The following BRK1 variants were observed in gnomAD, a reference collection of about 807,000 sequenced individuals.
BRK1 encodes protein BRICK1.
Under a neutral mutation model 9.9 loss-of-function variants are expected in BRK1, and 6 were observed. The observed-to-expected ratio is 0.60, with a 90% CI of 0.33 to 1.19. BRK1 has a LOEUF of 1.19. BRK1 is among the 50% of genes most tolerant of loss of function. The pLI is 0.04. For missense variants in BRK1, 62 were observed against 97.5 expected, an observed-to-expected ratio of 0.64 and a Z score of 1.53; for synonymous variants, 44 against 31.9, an observed-to-expected ratio of 1.38 and a Z score of -1.28.
intron 1 of BRK1, among the ~76,000 whole-genome samples, chr3:10,116,828 C>T (rs1253499289): frequency 1.3e-5 from 2 of 152,184 alleles, no homozygotes; most frequent in Admixed American, 1.3e-4. Context: ...GTGGGAGACA[C>T]AGAATAAGAA....
At chr3:10,119,924 A>G (rs1331050385) in intron 1 of BRK1, among the ~76,000 whole-genome samples, 1 of 152,186 alleles carries the variant, frequency 6.6e-6, no homozygotes, top group Non-Finnish European at 1.5e-5. Flanking sequence ...AGATGCTGTG[A>G]GAAAGGAATA....
chr3:10,118,177 G>C (rs778392210), intron 1 of BRK1, among the ~76,000 whole-genome samples: 1 of 151,528 alleles, frequency 6.6e-6, no homozygotes, highest in Non-Finnish European at 1.5e-5. Context: ...TGCTTGAACC[G>C]GGGAGGCAGA....
chr3:10,118,812 G>C (rs528234690), intron 1 of BRK1, among the ~76,000 whole-genome samples: 22 of 152,092 alleles, frequency 1.4e-4, no homozygotes, highest in African/African-American at 5.3e-4. Context: ...TGCGATAAAA[G>C]TTATACAGTA....
In BRK1 at chr3:10,126,852, A is replaced by G. The variant is rs1263486113; in HGVS notation, c.*557A>G. On this transcript the variant is annotated 3_prime_UTR_variant, in exon 3 of 3. Coordinates refer to ENST00000530758, the MANE Select transcript of BRK1 (RefSeq NM_018462.5). ...ACTTGGCTTGAAGGGACATTTTCAG[A>G]CTTTTCTTTCTGTCACTTGGAGTGT... 1 of 152,800 alleles carries G rather than the reference A, an allele frequency of 6.5e-6. No homozygotes were observed. Among genetic ancestry groups the G allele is most frequent in the African/African-American group, 2.4e-5 (1 of 41,412 alleles). The allele number at this position is 152,800 out of a possible 1,614,324, so 9.5% of individuals were successfully genotyped here.
intron 1 of BRK1, among the ~76,000 whole-genome samples, chr3:10,117,529 G>T (rs1695700962): frequency 6.6e-6 from 1 of 151,612 alleles, no homozygotes; most frequent in African/African-American, 2.4e-5. Context: ...GAGTAGCTAG[G>T]ATTACAGGTG....
At chr3:10,126,139 C>T in intron 2 of BRK1, 130 bp from the exon 3 acceptor site, 1 of 628,740 alleles carries the variant, frequency 1.6e-6, no homozygotes. Context: ...GGATTTGAAC[C>T]ATGTTTCTGT....
intron 1 of BRK1, among the ~76,000 whole-genome samples, chr3:10,124,282 G>A (rs192887548): frequency 6.6e-6 from 1 of 150,480 alleles, no homozygotes; most frequent in Non-Finnish European, 1.5e-5. Flanking sequence ...GTGAAACCCC[G>A]TCTCTACTAA....
chr3:10,119,342 A>G (rs543339161), intron 1 of BRK1, among the ~76,000 whole-genome samples: 2 of 152,110 alleles, frequency 1.3e-5, no homozygotes, highest in South Asian at 2.1e-4. Context: ...CTGTAATTCC[A>G]AGCTACCTGG....
At chr3:10,124,860 C>G (rs1695815241) in intron 1 of BRK1, among the ~76,000 whole-genome samples, 2 of 152,158 alleles carry the variant, frequency 1.3e-5, no homozygotes, top group African/African-American at 4.8e-5. Context: ...TCCCTTCTTC[C>G]ACTTTCAAAG....
chr3:10,126,691 C>A lies in BRK1; in HGVS notation c.*396C>A, dbSNP rs190197748. 1.8e-3 allele frequency: 313 copies of A among 170,708 alleles called. 7 individuals are homozygous for A. In the South Asian group the frequency reaches 0.029, roughly 16 times the overall value. The allele number at this position is 170,708 out of a possible 1,614,324, so 10.6% of individuals were successfully genotyped here. On this transcript the variant is annotated 3_prime_UTR_variant, in exon 3 of 3. Transcript: ENST00000530758. ...CACTGCTTCTGTGAACAGTCTTTGT[C>A]TCCTCCCCACCTTTGGTGGGAAGTG...
At chr3:10,121,806 C>T (rs1401889802) in intron 1 of BRK1, among the ~76,000 whole-genome samples, 3 of 150,702 alleles carry the variant, frequency 2.0e-5, no homozygotes, top group Non-Finnish European at 4.4e-5. Context: ...AATCTCGGCT[C>T]ACTGCCTCAG....
intron 1 of BRK1, among the ~76,000 whole-genome samples, chr3:10,119,056 G>C (rs937987441): frequency 6.7e-6 from 1 of 149,450 alleles, no homozygotes; most frequent in Non-Finnish European, 1.5e-5. Flanking sequence ...CTGTTGCCTG[G>C]AGTGCAGTGG....
chr3:10,125,907 A>T (rs534956106), intron 2 of BRK1, among the ~76,000 whole-genome samples, 199 bp downstream of exon 2: 26 of 152,172 alleles, frequency 1.7e-4, no homozygotes, highest in South Asian at 1.0e-3. Context: ...CCTGGCCAAC[A>T]TGGTGAAACC....
At chr3:10,119,459 A>G (rs1464714204) in intron 1 of BRK1, among the ~76,000 whole-genome samples, 47 of 152,174 alleles carry the variant, frequency 3.1e-4, no homozygotes, top group Admixed American at 3.1e-3. Flanking sequence ...CTCTCTCTCA[A>G]AGAAAAAGAA....
chr3:10,119,895 A>G (rs1433332348), intron 1 of BRK1, among the ~76,000 whole-genome samples: 1 of 152,226 alleles, frequency 6.6e-6, no homozygotes, highest in African/African-American at 2.4e-5. Flanking sequence ...CAACAAATGT[A>G]GCATGCCTGG....
intron 1 of BRK1, among the ~76,000 whole-genome samples, chr3:10,119,451 C>G (rs1575905473): frequency 1.3e-5 from 2 of 152,138 alleles, no homozygotes; most frequent in South Asian, 2.1e-4. Flanking sequence ...GAGTGAGACT[C>G]TCTCTCAAAG....
At chr3:10,119,164 A>G (rs556128841) in intron 1 of BRK1, among the ~76,000 whole-genome samples, 9 of 150,858 alleles carry the variant, frequency 6.0e-5, no homozygotes, top group Non-Finnish European at 1.3e-4. Context: ...AAAAAAAAGA[A>G]TTTACTTTGA....
At chr3:10,120,932 T>C (rs2125117729) in intron 1 of BRK1, among the ~76,000 whole-genome samples, 1 of 152,338 alleles carries the variant, frequency 6.6e-6, no homozygotes, top group East Asian at 1.9e-4. Context: ...ATAATATTCA[T>C]GCTCTTACTC....
intron 2 of BRK1, among the ~76,000 whole-genome samples, chr3:10,125,952 A>G (rs1332189019): frequency 6.6e-6 from 1 of 152,114 alleles, no homozygotes; most frequent in African/African-American, 2.4e-5. Flanking sequence ...TTAGCCAGGC[A>G]TGGTGGCTCA....
Sources: gnomAD v4.1 joint callset for allele counts (sites outside exome capture counted in the v4.1 genomes callset) on GRCh38, gnomAD v4.1.1 for gene constraint, MANE v1.5 for transcripts, NCBI Gene and HGNC (gene_info 2026-07-23, HGNC 2026-07-21) for gene names.